The following INF2 variants were observed in gnomAD, a reference collection of about 807,000 sequenced individuals.
The protein encoded by INF2 is inverted formin 2, also known as inverted formin-2.
INF2 carries 43 observed loss-of-function variants against 123.5 expected under a neutral mutation model. That is an observed-to-expected ratio of 0.35 (90% CI 0.27 to 0.45). The LOEUF (loss-of-function observed/expected upper bound fraction) is 0.45. INF2 is among the 20% of genes least tolerant of loss of function. The pLI is 1.00. For synonymous variants in INF2, 851 were observed against 745.0 expected, an observed-to-expected ratio of 1.14 and a Z score of -2.32; for missense variants, 1,453 against 1,682.7, an observed-to-expected ratio of 0.86 and a Z score of 2.39.
At position 104,701,697 on chromosome 14, in the gene INF2, C is replaced by T. The variant is rs1236232532; in HGVS notation, c.332C>T (p.Ser111Leu). The change falls in exon 2 of 23, where the codon TCG becomes TTG. Residue 111 changes from serine to leucine, a missense_variant. Ser to Leu is a moderately radical substitution (Grantham distance 145). Around this residue, in one of 8 missense-constraint regions of INF2, gnomAD observed 251 missense variants for 349.4 expected, o/e 0.72. Coordinates refer to ENST00000392634, the MANE Select transcript of INF2 (RefSeq NM_022489.4). ...CVSCVRAVMNSRQGIEYILSN... is the reference protein window; with the variant it reads ...CVSCVRAVMNLRQGIEYILSN... ...AGCTGCGTGCGCGCCGTCATGAACT[C>T]GCGGCAGGGCATCGAGTACATCCTC... 6 of 1,557,518 alleles carry T rather than the reference C, an allele frequency of 3.9e-6. No homozygotes were observed. The Admixed American group carries it at 7.4e-5, about 19-fold the overall frequency.
rs530489938 is a variant in INF2, at chr14:104,719,880, T to A, written c.*1087T>A. ...ATCTAGAAGAGGGCAGACCCAGTGG[T>A]GAACCGCATCCAACAGTGGTGAGAT... On this transcript the variant is annotated 3_prime_UTR_variant, in exon 23 of 23. Coordinates refer to ENST00000392634, the MANE Select transcript of INF2 (RefSeq NM_022489.4). 3 of 152,406 alleles carry A rather than the reference T, an allele frequency of 2.0e-5. No homozygotes were observed. The highest frequency in any genetic ancestry group is 6.5e-5 in the Admixed American group (1 of 15,296). The allele number at this position is 152,406 out of a possible 1,614,324, so 9.4% of individuals were successfully genotyped here.
intron 8 of INF2, 174 bp from the exon 9 acceptor site, chr14:104,708,262 C>T: frequency 1.1e-6 from 1 of 918,230 alleles, no homozygotes; most frequent in Non-Finnish European, 1.6e-6. Flanking sequence ...GCCCTGGGGC[C>T]CTGCTACAGG....
chr14:104,706,345 G>T (rs1428624205), intron 6 of INF2, among the ~76,000 whole-genome samples, 169 bp downstream of exon 6: 1 of 152,194 alleles, frequency 6.6e-6, no homozygotes, highest in Non-Finnish European at 1.5e-5. Context: ...AGGACCCAGG[G>T]GTTGGAAAGG....
chr14:104,718,116 T>C (rs954865277), intron 22 of INF2, among the ~76,000 whole-genome samples: 14 of 152,234 alleles, frequency 9.2e-5, no homozygotes, highest in Non-Finnish European at 1.9e-4. Context: ...CTTTGAGTGA[T>C]TGTTTTGGAT....
chr14:104,710,536 A>G (rs906621951), intron 13 of INF2, among the ~76,000 whole-genome samples: 1 of 151,822 alleles, frequency 6.6e-6, no homozygotes, highest in Non-Finnish European at 1.5e-5. Context: ...CAAGCCCACA[A>G]GCACAGTCAC....
At position 104,695,956 on chromosome 14, in the gene INF2, G is replaced by A. The variant is rs117260331; in HGVS notation, c.-9-5401G>A. On this transcript the variant is annotated intron_variant, in intron 1 of 22. Transcript: ENST00000392634. ...CAGCTTCCCTCTGTGAGATGTTGCT[G>A]TCTTTTGATCATTTTGCTTGCTTTC... Among the ~76,000 whole-genome samples, 1,003 of 152,314 alleles carry A rather than the reference G, an allele frequency of 6.6e-3. 9 individuals are homozygous for A. The highest frequency in any genetic ancestry group is 0.01 in the Non-Finnish European group (714 of 68,032).
chr14:104,712,997 G>T lies in INF2; in HGVS notation c.2775+5G>T, dbSNP rs1283006424. Reference sequence around the variant, plus strand: ...CTTTTCCTCCGCGCCCTGAAGGTGGGGCAGCCCGGCGGGACACAGCCTGTC... The same window carrying T: ...CTTTTCCTCCGCGCCCTGAAGGTGGTGCAGCCCGGCGGGACACAGCCTGTC... On this transcript the variant is annotated splice_donor_5th_base_variant and intron_variant, in intron 18 of 22. Coordinates refer to ENST00000392634, the MANE Select transcript of INF2 (RefSeq NM_022489.4). 1.2e-6 allele frequency: 2 copies of T among 1,612,196 alleles called. No individual in the cohort carries two copies. The highest frequency in any genetic ancestry group is 1.7e-6 in the Non-Finnish European group (2 of 1,179,738).
At chr14:104,702,556 T>C (rs889518428) in intron 2 of INF2, among the ~76,000 whole-genome samples, 1 of 152,102 alleles carries the variant, frequency 6.6e-6, no homozygotes, top group African/African-American at 2.4e-5. Flanking sequence ...GCTGGGCCCA[T>C]GGGGGCGGCA....
In INF2 at chr14:104,695,644, A is replaced by AC. The variant is rs796416540; in HGVS notation, c.-9-5706dup. Among the ~76,000 whole-genome samples, 413 of 118,274 alleles carry AC rather than the reference A, an allele frequency of 3.5e-3. 2 individuals carry two copies. The highest frequency in any genetic ancestry group is 0.013 in the African/African-American group (374 of 29,686). 77.6% of individuals were successfully genotyped at this position (118,274 alleles called of 152,430 possible). A position where few individuals can be genotyped will look rare whatever the true frequency, so the allele number is the denominator to read the frequency against. ...CATTTCCTGTTTGCTGCATCCCCCT[A>AC]CCCCCCCTACAGAGTCACCCTCCTC... is the stretch of plus-strand genomic sequence containing the variant. On this transcript the variant is annotated intron_variant, in intron 1 of 22. Coordinates refer to ENST00000392634, the MANE Select transcript of INF2 (RefSeq NM_022489.4).
chr14:104,713,131 G>A (rs1890131082), intron 18 of INF2, 76 bp from the exon 19 acceptor site: 2 of 1,600,534 alleles, frequency 1.2e-6, no homozygotes, highest in Admixed American at 3.4e-5. Flanking sequence ...TGCGGCTCAG[G>A]GAGGGGGACG....
upstream of INF2, among the ~76,000 whole-genome samples, chr14:104,686,658 G>T (rs1888672530): frequency 6.6e-6 from 1 of 152,168 alleles, no homozygotes; most frequent in Non-Finnish European, 1.5e-5. Context: ...AAGATAAAAA[G>T]CATTCTGGGT....
chr14:104,701,093 A>G (rs987231498), intron 1 of INF2, among the ~76,000 whole-genome samples: 4 of 151,958 alleles, frequency 2.6e-5, no homozygotes, highest in African/African-American at 9.7e-5. Flanking sequence ...CTCCCCTCCC[A>G]GCCCTGAGCC....
intron 1 of INF2, among the ~76,000 whole-genome samples, chr14:104,700,231 C>T (rs1029959073): frequency 3.9e-5 from 6 of 152,186 alleles, no homozygotes; most frequent in African/African-American, 1.2e-4. Flanking sequence ...CCAGCCGTGC[C>T]CAGGTGTGGG....
chr14:104,712,761 C>T, intron 17 of INF2, 67 bp from the exon 18 acceptor site: 1 of 1,522,406 alleles, frequency 6.6e-7, no homozygotes, highest in Non-Finnish European at 8.8e-7. Context: ...TCCCGCAACT[C>T]AGGGCCTCAC....
chr14:104,701,563 G>A lies in INF2; in HGVS notation c.198G>A (p.Val66=), dbSNP rs1428806271. The A allele has an allele frequency of 6.2e-7, 1 of 1,608,414 alleles. No individual in the cohort carries two copies. The highest frequency in any genetic ancestry group is 1.7e-5 in the Admixed American group (1 of 59,784). ...RLEGSDGGWM[V]QFLEQSGLDL... is the part of the protein sequence containing the mutation. Reference sequence around the variant, plus strand: ...AGGGCAGCGACGGCGGCTGGATGGTGCAGTTCCTGGAGCAGAGCGGCCTGG... The same window carrying A: ...AGGGCAGCGACGGCGGCTGGATGGTACAGTTCCTGGAGCAGAGCGGCCTGG... Residue 66 remains valine (V), a synonymous_variant, in exon 2 of 23, where the codon GTG becomes GTA. Coordinates refer to ENST00000392634, the MANE Select transcript of INF2 (RefSeq NM_022489.4).
chr14:104,706,161 C>T lies in INF2; in HGVS notation c.828C>T (p.Ala276=). 1 of 1,586,874 alleles carries T rather than the reference C, an allele frequency of 6.3e-7. No individual in the cohort carries two copies. The highest frequency in any genetic ancestry group is 2.3e-5 in the East Asian group (1 of 43,572). The change falls in exon 6 of 23, where the codon GCC becomes GCT. Residue 276 remains alanine, a synonymous_variant. Transcript: ENST00000392634. ...VDMSSHQEVF[A]SLFHKVSCSP... is the part of the protein sequence containing the mutation. ...TGAGCAGCCACCAGGAGGTCTTTGCCTCCCTGTTCCACAAGGTGGGCTGGG... is the reference window on the plus strand; with the variant it reads ...TGAGCAGCCACCAGGAGGTCTTTGCTTCCCTGTTCCACAAGGTGGGCTGGG...
At position 104,714,724 on chromosome 14, in the gene INF2, T is replaced by C; in HGVS notation, c.3562T>C (p.Ser1188Pro). 1 of 1,606,614 alleles carries C rather than the reference T, an allele frequency of 6.2e-7. No homozygotes were observed. The highest frequency in any genetic ancestry group is 1.3e-5 in the African/African-American group (1 of 74,776). The change falls in exon 21 of 23, where the codon TCC becomes CCC. Residue 1188 changes from serine to proline, a missense_variant. Physicochemically the swap from Ser to Pro is moderately conservative, Grantham distance 74 (BLOSUM62 -1). Around this residue, in one of 8 missense-constraint regions of INF2, gnomAD observed 344 missense variants for 333.1 expected, o/e 1.03. Coordinates refer to ENST00000392634, the MANE Select transcript of INF2 (RefSeq NM_022489.4). ...DTAPESALDT[S>P]LDKSFSEDAV... Reference sequence around the variant, plus strand: ...GGCCCCAGAGTCCGCACTGGACACATCCCTGGACAAGTCCTTCTCCGAGGA... The same window carrying C: ...GGCCCCAGAGTCCGCACTGGACACACCCCTGGACAAGTCCTTCTCCGAGGA...
chr14:104,683,461 G>C (rs1398358437), intron 1 of INF2, among the ~76,000 whole-genome samples: 2 of 152,128 alleles, frequency 1.3e-5, no homozygotes, highest in African/African-American at 2.4e-5. Context: ...CCGTGGGGCA[G>C]GGAGGGAGGT....
In INF2 at chr14:104,681,445, G is replaced by T. The variant is rs1384642854; in HGVS notation, c.-241G>T. The T allele has an allele frequency of 6.4e-6, 4 of 622,340 alleles. No homozygotes were observed. The African/African-American group carries it at 7.5e-5, about 12-fold the overall frequency. 38.6% of individuals were successfully genotyped at this position (622,340 alleles called of 1,614,324 possible). A position where few individuals can be genotyped will look rare whatever the true frequency, so the allele number is the denominator to read the frequency against. The stretch of plus-strand genomic sequence containing the variant: ...ATCTGGCTCTCAGAGCTGGGGCAGC[G>T]TCTAGGAGGCCTGATGTAGAAAGCA... On this transcript the variant is annotated 5_prime_UTR_variant, in exon 1 of 3. Coordinates refer to the INF2 transcript ENST00000674723.
Sources: gnomAD v4.1 joint callset for allele counts (sites outside exome capture counted in the v4.1 genomes callset) on GRCh38, gnomAD v4.1.1 for gene constraint, gnomAD v4.1.1 regional missense constraint, MANE v1.5 for transcripts, NCBI Gene and HGNC (gene_info 2026-07-23, HGNC 2026-07-21) for gene names.